The following TJP1 variants were observed in gnomAD, a reference collection of about 807,000 sequenced individuals.
TJP1 encodes tight junction protein 1, also known as tight junction protein ZO-1.
Under a neutral mutation model 194.2 loss-of-function variants are expected in TJP1, and 43 were observed. The observed-to-expected ratio is 0.22, with a 90% CI of 0.17 to 0.29. TJP1 has a LOEUF of 0.29. Ranked by LOEUF, TJP1 falls within the 10% of genes least tolerant of loss-of-function variation. TJP1 has a pLI of 1.00. For synonymous variants in TJP1, 801 were observed against 779.0 expected, an observed-to-expected ratio of 1.03 and a Z score of -0.47; for missense variants, 1,971 against 2,185.7, an observed-to-expected ratio of 0.90 and a Z score of 1.96.
intron 2 of TJP1, among the ~76,000 whole-genome samples, chr15:29,938,204 G>A (rs1159385282): frequency 2.6e-5 from 4 of 152,248 alleles, no homozygotes; most frequent in East Asian, 1.9e-4. Flanking sequence ...TGGGAAGGTC[G>A]GTGACTGACT....
At chr15:29,717,532 G>C (rs201976582) in intron 22 of TJP1, among the ~76,000 whole-genome samples, 4 of 1,012 alleles carry the variant, frequency 4.0e-3, no homozygotes, top group South Asian at 0.25. Context: ...TAAGCTACTT[G>C]CCCCTCTCAG....
At chr15:29,867,445 T>G (rs2052347427) in intron 2 of TJP1, among the ~76,000 whole-genome samples, 1 of 152,192 alleles carries the variant, frequency 6.6e-6, no homozygotes, top group African/African-American at 2.4e-5. Context: ...ACATTGGGCC[T>G]TGCTGGCTCC....
intron 23 of TJP1, among the ~76,000 whole-genome samples, chr15:29,713,402 G>T (rs2042361170): frequency 6.6e-6 from 1 of 152,214 alleles, no homozygotes; most frequent in Non-Finnish European, 1.5e-5. Context: ...GGAACTGTTA[G>T]ACTGGGTAAT....
chr15:29,777,875 C>T (rs1595862158), intron 2 of TJP1, among the ~76,000 whole-genome samples: 1 of 152,066 alleles, frequency 6.6e-6, no homozygotes, highest in African/African-American at 2.4e-5. Context: ...CCTTAGTAAA[C>T]GATTATCCTT....
chr15:29,884,980 C>T (rs2053066813), intron 2 of TJP1, among the ~76,000 whole-genome samples: 1 of 152,176 alleles, frequency 6.6e-6, no homozygotes. Flanking sequence ...CAAGTGTAAA[C>T]ATTAAAGGCT....
At chr15:29,742,844 G>A in intron 8 of TJP1, 63 bp from the exon 9 acceptor site, 1 of 1,469,090 alleles carries the variant, frequency 6.8e-7, no homozygotes, top group Non-Finnish European at 9.0e-7. Context: ...ATCTGTAAGA[G>A]AACAGTATAA....
chr15:29,911,528 G>A (rs2054012264), intron 2 of TJP1, among the ~76,000 whole-genome samples: 1 of 152,144 alleles, frequency 6.6e-6, no homozygotes, highest in Non-Finnish European at 1.5e-5. Context: ...TACAATCATG[G>A]TGGAAGGCAA....
At chr15:29,880,118 T>G (rs1422256755) in intron 2 of TJP1, among the ~76,000 whole-genome samples, 1 of 147,756 alleles carries the variant, frequency 6.8e-6, no homozygotes, top group Non-Finnish European at 1.5e-5. Context: ...CTTCAATAAT[T>G]TCTCTCTTGG....
intron 1 of TJP1, among the ~76,000 whole-genome samples, chr15:29,808,485 T>C (rs2049263003): frequency 6.6e-6 from 1 of 152,222 alleles, no homozygotes; most frequent in South Asian, 2.1e-4. Context: ...TAATGTATTA[T>C]GTTATTTAAA....
At chr15:29,868,196 G>T (rs1394520288) in intron 2 of TJP1, among the ~76,000 whole-genome samples, 1 of 152,110 alleles carries the variant, frequency 6.6e-6, no homozygotes, top group Non-Finnish European at 1.5e-5. Context: ...ACTCAGCATG[G>T]GTGACAGAGT....
chr15:29,704,875 A>G (rs3784353), intron 26 of TJP1, among the ~76,000 whole-genome samples: 95,996 of 152,120 alleles, frequency 0.63, 31,484 homozygotes, highest in East Asian at 0.73. Flanking sequence ...AAATCAGAGT[A>G]CAGAATCAGA....
chr15:29,891,061 T>C (rs1169046277), intron 2 of TJP1, among the ~76,000 whole-genome samples: 1 of 152,248 alleles, frequency 6.6e-6, no homozygotes, highest in Non-Finnish European at 1.5e-5. Flanking sequence ...AAGATACTTT[T>C]TGTGGCCCTA....
At chr15:29,880,832 C>T (rs1485126037) in intron 2 of TJP1, among the ~76,000 whole-genome samples, 1 of 152,154 alleles carries the variant, frequency 6.6e-6, no homozygotes, top group African/African-American at 2.4e-5. Flanking sequence ...TTTTCTTTAT[C>T]CATTCCTCTG....
At chr15:29,810,202 G>C (rs1460010029) in intron 1 of TJP1, among the ~76,000 whole-genome samples, 1 of 152,150 alleles carries the variant, frequency 6.6e-6, no homozygotes, top group Non-Finnish European at 1.5e-5. Context: ...CAAAATAATG[G>C]GGAAGAGAAG....
chr15:29,924,031 G>C (rs952163179), intron 2 of TJP1, among the ~76,000 whole-genome samples: 18 of 152,132 alleles, frequency 1.2e-4, no homozygotes, highest in African/African-American at 4.1e-4. Flanking sequence ...AGTACATAAT[G>C]ACAGCTAAAA....
At chr15:29,903,498 G>A (rs1471294139) in intron 2 of TJP1, among the ~76,000 whole-genome samples, 2 of 151,958 alleles carry the variant, frequency 1.3e-5, no homozygotes, top group Non-Finnish European at 2.9e-5. Context: ...AGGCTGGAGT[G>A]CAGTGGAGTG....
intron 2 of TJP1, among the ~76,000 whole-genome samples, chr15:29,935,367 C>T (rs2054849845): frequency 1.3e-5 from 2 of 152,224 alleles, no homozygotes; most frequent in South Asian, 4.1e-4. Flanking sequence ...GCCCTTGTGT[C>T]TTGTAGCAAC....
At chr15:29,935,195 C>A (rs1305704835) in intron 2 of TJP1, among the ~76,000 whole-genome samples, 1 of 152,240 alleles carries the variant, frequency 6.6e-6, no homozygotes, top group African/African-American at 2.4e-5. Context: ...GCATTCAACT[C>A]TTTGATCAGT....
In TJP1 at chr15:29,773,431, A is replaced by G. The variant is rs374702876; in HGVS notation, c.85-74T>C. 299 of 1,422,830 alleles carry G rather than the reference A, an allele frequency of 2.1e-4. No homozygotes were observed. In the African/African-American group the frequency reaches 3.6e-3, roughly 17 times the overall value. The allele number at this position is 1,422,830 out of a possible 1,614,324, so 88.1% of individuals were successfully genotyped here. ...TGTTATATCATACTCTACAATCTAG[A>G]GAAGCCAAAATATAAAAATTACAAT... On this transcript the variant is annotated intron_variant, in intron 2 of 27. Coordinates refer to ENST00000614355, the MANE Select transcript of TJP1 (RefSeq NM_001330239.4).
Sources: gnomAD v4.1 joint callset for allele counts (sites outside exome capture counted in the v4.1 genomes callset) on GRCh38, gnomAD v4.1.1 for gene constraint, MANE v1.5 for transcripts, NCBI Gene and HGNC (gene_info 2026-07-23, HGNC 2026-07-21) for gene names.